The following PEX10 variants were observed in gnomAD, a reference collection of about 807,000 sequenced individuals.
The protein encoded by PEX10 is peroxisome biogenesis factor 10.
In PEX10, 32 loss-of-function variants were observed where a neutral mutation model predicts 38.0. The ratio of observed to expected loss-of-function variants is 0.84; its 90% CI spans 0.63 to 1.13. The LOEUF (loss-of-function observed/expected upper bound fraction) is 1.13. Among genes scored for constraint, PEX10 ranks in the 50% most tolerant of loss-of-function variants. The probability of loss-of-function intolerance (pLI) is 0.00; values close to 1 mark genes in which losing one functional copy is unlikely to be tolerated. For synonymous variants in PEX10, 206 were observed against 207.3 expected, an observed-to-expected ratio of 0.99 and a Z score of 0.05; for missense variants, 483 against 457.7, an observed-to-expected ratio of 1.06 and a Z score of -0.51.
Position 2,410,184 on chromosome 1 carries a change from A to T in PEX10, c.193+187T>A. ...CCCAGGGACACACAAAGGCTGGAAA[A>T]GTCGGCTCCCTGCTGGGAGCAGATG... On this transcript the variant is annotated intron_variant, in intron 2 of 5. Transcript: ENST00000447513. This position sits in a 1 kb window ranked among gnomAD's most constrained non-coding sequence, Gnocchi z 5.1. 1 of 627,610 alleles carries T rather than the reference A, an allele frequency of 1.6e-6. No homozygotes were observed. Among genetic ancestry groups the T allele is most frequent in the Non-Finnish European group, 2.9e-6 (1 of 344,376 alleles). The allele number at this position is 627,610 out of a possible 1,614,324, so 38.9% of individuals were successfully genotyped here. A position where few individuals can be genotyped will look rare whatever the true frequency, so the allele number is the denominator to read the frequency against.
In PEX10 at chr1:2,412,409, C is replaced by A; in HGVS notation, c.94G>T (p.Ala32Ser). ...RGGLRSAAGG[A>S]LHSLAGARKW... ...CCCTCACCCGCCAGGCTGTGCAGGG[C>A]GCCGCCCGCCGCGCTCCGCAGCCCA... The change falls in exon 1 of 6, where the codon GCC becomes TCC. Residue 32 changes from alanine (A) to serine (S), a missense_variant. Physicochemically the swap from Ala to Ser is moderately conservative, Grantham distance 99 (BLOSUM62 1). Transcript: ENST00000447513. 7.1e-7 allele frequency: 1 copy of A among 1,405,592 alleles called. No homozygotes were observed. The highest frequency in any genetic ancestry group is 9.2e-7 in the Non-Finnish European group (1 of 1,083,774). The allele number at this position is 1,405,592 out of a possible 1,614,324, so 87.1% of individuals were successfully genotyped here.
chr1:2,406,642 T>C, intron 4 of PEX10, 23 bp from the exon 5 acceptor site: 1 of 1,612,784 alleles, frequency 6.2e-7, no homozygotes, highest in Middle Eastern at 1.6e-4. Flanking sequence ...GGGCAGAGCG[T>C]CAAGGTGGGT....
chr1:2,407,873 T>G (rs538909327), intron 3 of PEX10, among the ~76,000 whole-genome samples: 2 of 152,012 alleles, frequency 1.3e-5, no homozygotes, highest in Non-Finnish European at 2.9e-5. Context: ...CAGGTGGACA[T>G]GGTGGTGGGA....
intron 1 of PEX10, 122 bp downstream of exon 1, chr1:2,412,269 G>T (rs1183967030): frequency 8.1e-7 from 1 of 1,238,866 alleles, no homozygotes. Flanking sequence ...GGAGACTGCC[G>T]GGTCCCAGGT....
intron 5 of PEX10, among the ~76,000 whole-genome samples, chr1:2,406,194 C>A (rs1292249006): frequency 1.3e-5 from 2 of 152,154 alleles, no homozygotes; most frequent in Non-Finnish European, 2.9e-5. Context: ...TGGTGAGGAC[C>A]CCGGGAGGAA....
At chr1:2,412,264 C>A in intron 1 of PEX10, 127 bp downstream of exon 1, 1 of 1,239,644 alleles carries the variant, frequency 8.1e-7, no homozygotes, top group Non-Finnish European at 1.0e-6. Flanking sequence ...GCGAAGGAGA[C>A]TGCCGGGTCC....
chr1:2,412,803 C>A (rs1186977086), upstream of PEX10, among the ~76,000 whole-genome samples: 1 of 152,048 alleles, frequency 6.6e-6, no homozygotes, highest in Non-Finnish European at 1.5e-5. Flanking sequence ...GGGGCGCTGG[C>A]GAGGCAGCGG....
At position 2,405,725 on chromosome 1, in the gene PEX10, C is replaced by A; in HGVS notation, c.*41G>T. ...AGACTAAATCTTGGCGTTCAGACTCCCGTAGAGGTCATCTGTGTCCAGGCC... is the reference window on the plus strand; with the variant it reads ...AGACTAAATCTTGGCGTTCAGACTCACGTAGAGGTCATCTGTGTCCAGGCC... On this transcript the variant is annotated 3_prime_UTR_variant, in exon 6 of 6. Transcript: ENST00000447513. 1 of 1,532,498 alleles carries A rather than the reference C, an allele frequency of 6.5e-7. No individual in the cohort carries two copies. 94.9% of individuals were successfully genotyped at this position (1,532,498 alleles called of 1,614,324 possible).
rs933547504 is a variant in PEX10 at position 2,405,232 on chromosome 1, G to A, written c.*534C>T. The stretch of plus-strand genomic sequence containing the variant: ...GTGTGGTCATCAAGTCCTGGGGGAT[G>A]TGCTCTGCCCAGCCGCCCTCGGGGA... On this transcript the variant is annotated 3_prime_UTR_variant, in exon 6 of 6. Coordinates refer to ENST00000447513, the MANE Select transcript of PEX10 (RefSeq NM_002617.4). The A allele has an allele frequency of 1.3e-4, 31 of 239,566 alleles. No individual in the cohort carries two copies. Among genetic ancestry groups the A allele is most frequent in the African/African-American group, 4.3e-4 (19 of 43,856 alleles). 14.8% of individuals were successfully genotyped at this position (239,566 alleles called of 1,614,324 possible).
intron 4 of PEX10, 24 bp downstream of exon 4, chr1:2,406,696 C>G (rs780593226): frequency 6.2e-7 from 1 of 1,609,900 alleles, no homozygotes. Flanking sequence ...ACCCCCAGCC[C>G]CCATGTGTGG....
At chr1:2,411,755 T>C (rs2494597) in intron 1 of PEX10, among the ~76,000 whole-genome samples, 140,441 of 152,194 alleles carry the variant, frequency 0.92, 64,909 homozygotes, top group Non-Finnish European at 0.95. Context: ...CCAGGCTGGT[T>C]TCAAACTCCT....
chr1:2,412,486 G>A lies in PEX10; in HGVS notation c.17C>T (p.Ala6Val). ...CGCGCGGATCACCTCCGGGGGGCTG[G>A]CGGCGGCCGGGGCCATGGCCGCGGG... Reference protein sequence around the residue: MAPAAASPPEVIRAAQ... With the variant: MAPAAVSPPEVIRAAQ... The change falls in exon 1 of 6, where the codon GCC becomes GTC. Residue 6 changes from alanine (A) to valine (V), a missense_variant. Physicochemically the swap from Ala to Val is moderately conservative, Grantham distance 64. Coordinates refer to ENST00000447513, the MANE Select transcript of PEX10 (RefSeq NM_002617.4). 1.4e-6 allele frequency: 2 copies of A among 1,379,398 alleles called. No homozygotes were observed. The highest frequency in any genetic ancestry group is 1.5e-5 in the African/African-American group (1 of 66,170). The allele number at this position is 1,379,398 out of a possible 1,614,324, so 85.4% of individuals were successfully genotyped here.
Position 2,410,419 on chromosome 1 carries a change from C to T in PEX10, c.145G>A (p.Val49Ile). The T allele has an allele frequency of 1.9e-6, 3 of 1,614,120 alleles. No homozygotes were observed. The highest frequency in any genetic ancestry group is 1.1e-5 in the South Asian group (1 of 91,086). ...ARKWLEWRKEVELLSDVAYFG... is the reference protein window; with the variant it reads ...ARKWLEWRKEIELLSDVAYFG... ...TAGGCCACATCTGAGAGCAGCTCAACCTCCTTCCTCCACTCCAGCCACTTC... is the reference window on the plus strand; with the variant it reads ...TAGGCCACATCTGAGAGCAGCTCAATCTCCTTCCTCCACTCCAGCCACTTC... The change falls in exon 2 of 6, where the codon GTT becomes ATT. Residue 49 changes from valine (V) to isoleucine (I), a missense_variant. Physicochemically the swap from Val to Ile is conservative, Grantham distance 29. Coordinates refer to ENST00000447513, the MANE Select transcript of PEX10 (RefSeq NM_002617.4). The surrounding 1 kb of genome is among the most constrained non-coding windows in gnomAD (Gnocchi z 5.1).
At position 2,410,529 on chromosome 1, in the gene PEX10, T is replaced by C; in HGVS notation, c.113-78A>G. On this transcript the variant is annotated intron_variant, in intron 1 of 5. Transcript: ENST00000447513. This position sits in a 1 kb window ranked among gnomAD's most constrained non-coding sequence, Gnocchi z 5.1. ...ATGAGGGACCACAGTCCTCCCCCAGTTGTCTAGGCCCAGATCCAGTCCCAC... is the reference window on the plus strand; with the variant it reads ...ATGAGGGACCACAGTCCTCCCCCAGCTGTCTAGGCCCAGATCCAGTCCCAC... The C allele has an allele frequency of 1.6e-6, 2 of 1,286,698 alleles. No individual in the cohort carries two copies. Among genetic ancestry groups the C allele is most frequent in the Non-Finnish European group, 2.2e-6 (2 of 900,056 alleles). 79.7% of individuals were successfully genotyped at this position (1,286,698 alleles called of 1,614,324 possible).
At chr1:2,408,035 G>A (rs984380290) in intron 3 of PEX10, among the ~76,000 whole-genome samples, 1 of 152,006 alleles carries the variant, frequency 6.6e-6, no homozygotes, top group Non-Finnish European at 1.5e-5. Context: ...AGGGGTGAGG[G>A]GCTGGGGCCG....
chr1:2,407,009 A>C, intron 3 of PEX10, 114 bp from the exon 4 acceptor site: 428 of 1,426,634 alleles, frequency 3.0e-4, no homozygotes, highest in Non-Finnish European at 3.8e-4. Context: ...CAGGCCTCTC[A>C]CTGGCATGGG....
At position 2,405,592 on chromosome 1, in the gene PEX10, G is replaced by C. The variant is rs1642971317; in HGVS notation, c.*174C>G. ...AGGCGCCCCTCCCAGGGCTGAGAAA[G>C]CGCAGCCAGGGACAGCTTTCTGTTC... is the stretch of plus-strand genomic sequence containing the variant. On this transcript the variant is annotated 3_prime_UTR_variant, in exon 6 of 6. Transcript: ENST00000447513. 1 of 724,862 alleles carries C rather than the reference G, an allele frequency of 1.4e-6. No homozygotes were observed. The highest frequency in any genetic ancestry group is 2.5e-6 in the Non-Finnish European group (1 of 407,124). The allele number at this position is 724,862 out of a possible 1,614,324, so 44.9% of individuals were successfully genotyped here.
At chr1:2,413,700 CACG>C (rs1174011415), upstream of PEX10, 1 of 152,338 alleles carries the variant, frequency 6.6e-6, no homozygotes, top group Non-Finnish European at 1.5e-5. Context: ...GAAGGCAGGG[CACG>C]ACAAGGGGGC....
intron 3 of PEX10, among the ~76,000 whole-genome samples, chr1:2,408,184 C>T (rs1441794387): frequency 2.6e-5 from 4 of 152,166 alleles, no homozygotes; most frequent in African/African-American, 4.8e-5. Context: ...AAGAGCTAAG[C>T]GCAGGGCCCG....
Sources: allele counts gnomAD v4.1 joint callset (sites outside exome capture counted in the v4.1 genomes callset), GRCh38; gene constraint gnomAD v4.1.1; non-coding constraint Gnocchi (gnomAD v3.1); transcripts MANE v1.5; gene names NCBI Gene and HGNC (gene_info 2026-07-23, HGNC 2026-07-21).